SCGB2B2: variants seen among roughly 807,000 people sequenced by gnomAD.
SCGB2B2 encodes secretoglobin-like protein.
A neutral mutation model predicts 7.6 loss-of-function variants in SCGB2B2; 11 were observed. The observed-to-expected ratio is 1.45, with a 90% CI of 0.91 to 2.40. The LOEUF (loss-of-function observed/expected upper bound fraction) is 2.40. Ranked by LOEUF, SCGB2B2 falls within the 30% of genes most tolerant of loss-of-function variation. The probability of loss-of-function intolerance (pLI) is 0.00; values close to 1 mark genes in which losing one functional copy is unlikely to be tolerated. For missense variants in SCGB2B2, 104 were observed against 115.4 expected, an observed-to-expected ratio of 0.90 and a Z score of 0.45; for synonymous variants, 50 against 48.6, an observed-to-expected ratio of 1.03 and a Z score of -0.12.
chr19:34,608,700 T>C (rs1369346590), intron 1 of SCGB2B2: 1 of 140,086 alleles, frequency 7.1e-6, no homozygotes, highest in Non-Finnish European at 1.6e-5. Context: ...ATTTTCTTCA[T>C]CTTTTCACTT....
chr19:34,621,200 TG>T (rs762874535), intron 1 of SCGB2B2, among the ~76,000 whole-genome samples: 9 of 152,222 alleles, frequency 5.9e-5, no homozygotes, highest in Non-Finnish European at 1.2e-4. Flanking sequence ...AACATATATA[TG>T]ACTACACAGA....
chr19:34,667,968 T>G (rs1438190572), intron 1 of SCGB2B2, among the ~76,000 whole-genome samples: 1 of 152,210 alleles, frequency 6.6e-6, no homozygotes, highest in African/African-American at 2.4e-5. Context: ...TCCAGTCAGG[T>G]GACAGAAGTC....
chr19:34,628,877 A>G (rs1312172040), intron 1 of SCGB2B2, among the ~76,000 whole-genome samples: 1 of 152,026 alleles, frequency 6.6e-6, no homozygotes, highest in Non-Finnish European at 1.5e-5. Context: ...TCAATAAAAT[A>G]CTGGCAAACC....
At chr19:34,655,272 C>G (rs983658823) in intron 1 of SCGB2B2, among the ~76,000 whole-genome samples, 9 of 149,878 alleles carry the variant, frequency 6.0e-5, no homozygotes, top group Admixed American at 1.3e-4. Flanking sequence ...CAAGGTTTAA[C>G]ATCAACACAG....
chr19:34,626,293 G>C (rs1264039689), intron 1 of SCGB2B2, among the ~76,000 whole-genome samples: 2 of 152,142 alleles, frequency 1.3e-5, no homozygotes, highest in African/African-American at 4.8e-5. Context: ...GAAGGCTTCA[G>C]ACGATCAAAC....
chr19:34,603,795 C>CTTTTTTT (rs71165672), intron 1 of SCGB2B2, among the ~76,000 whole-genome samples: 1,465 of 131,208 alleles, frequency 0.011, 39 homozygotes, highest in Non-Finnish European at 0.015. Context: ...TGTTTTATTA[C>CTTTTTTT]TTTTTTTTTT....
At chr19:34,673,832 C>A (rs985716288) in intron 1 of SCGB2B2, among the ~76,000 whole-genome samples, 1 of 152,138 alleles carries the variant, frequency 6.6e-6, no homozygotes, top group Non-Finnish European at 1.5e-5. Flanking sequence ...TGACTATGGG[C>A]CATGACCGAC....
At chr19:34,657,413 A>G (rs1490552169) in intron 1 of SCGB2B2, among the ~76,000 whole-genome samples, 1 of 151,258 alleles carries the variant, frequency 6.6e-6, no homozygotes, top group East Asian at 1.9e-4. Context: ...AAGATCTACC[A>G]AGCAAATGGA....
chr19:34,659,691 A>G (rs548733522), intron 1 of SCGB2B2, among the ~76,000 whole-genome samples: 24 of 152,350 alleles, frequency 1.6e-4, no homozygotes, highest in African/African-American at 5.8e-4. Context: ...AAGAATCAAT[A>G]TCGTGAAAAT....
intron 1 of SCGB2B2, among the ~76,000 whole-genome samples, chr19:34,639,672 A>T (rs1463526197): frequency 1.3e-5 from 2 of 152,102 alleles, no homozygotes; most frequent in African/African-American, 4.8e-5. Flanking sequence ...TTCTGCTCAA[A>T]CACCACCAGG....
At chr19:34,646,789 A>C (rs1367321789) in intron 1 of SCGB2B2, 1 of 152,408 alleles carries the variant, frequency 6.6e-6, no homozygotes, top group African/African-American at 2.4e-5. Context: ...ATCCCCAGTA[A>C]ACACCTGCAG....
chr19:34,606,227 A>AAT (rs940074252), intron 1 of SCGB2B2, among the ~76,000 whole-genome samples: 4 of 152,144 alleles, frequency 2.6e-5, no homozygotes, highest in African/African-American at 7.2e-5. Context: ...GTACAGCTTT[A>AAT]ACATATATAT....
At chr19:34,599,975 C>A (rs1242729950) in intron 1 of SCGB2B2, among the ~76,000 whole-genome samples, 1 of 152,158 alleles carries the variant, frequency 6.6e-6, no homozygotes, top group East Asian at 1.9e-4. Context: ...CAAGAAAGAT[C>A]ATTGTGAGCC....
downstream of SCGB2B2, among the ~76,000 whole-genome samples, chr19:34,589,294 C>G (rs1046103157): frequency 6.6e-6 from 1 of 150,804 alleles, no homozygotes. Flanking sequence ...GAGCACTGGT[C>G]AGGGCAGAGA....
intron 1 of SCGB2B2, among the ~76,000 whole-genome samples, chr19:34,602,148 AAAAGG>A (rs1282668287): frequency 1.3e-5 from 2 of 152,184 alleles, no homozygotes; most frequent in African/African-American, 4.8e-5. Context: ...ATTTTTTTAA[AAAAGG>A]AAAGATGATG....
chr19:34,609,336 C>CTGTT (rs2065869380), intron 1 of SCGB2B2, among the ~76,000 whole-genome samples: 1 of 151,774 alleles, frequency 6.6e-6, no homozygotes, highest in African/African-American at 2.4e-5. Context: ...TGTTATAGTC[C>CTGTT]TGTTTATTTT....
intron 1 of SCGB2B2, among the ~76,000 whole-genome samples, chr19:34,608,195 A>C (rs2065832179): frequency 6.6e-6 from 1 of 152,014 alleles, no homozygotes; most frequent in Admixed American, 6.6e-5. Flanking sequence ...TTTATTTTCA[A>C]GCATTTTATT....
intron 1 of SCGB2B2, among the ~76,000 whole-genome samples, chr19:34,672,151 T>C (rs1425923694): frequency 6.6e-6 from 1 of 151,862 alleles, no homozygotes; most frequent in African/African-American, 2.4e-5. Context: ...AATAAATGAA[T>C]AAATAAATAA....
intron 1 of SCGB2B2, among the ~76,000 whole-genome samples, chr19:34,634,428 G>A (rs752367021): frequency 1.4e-4 from 21 of 152,142 alleles, no homozygotes; most frequent in Non-Finnish European, 2.4e-4. Context: ...AAGAGCCTTG[G>A]GCAGGTTAGA....
Sources: gnomAD v4.1 joint callset for allele counts (sites outside exome capture counted in the v4.1 genomes callset) on GRCh38, gnomAD v4.1.1 for gene constraint, MANE v1.5 for transcripts, NCBI Gene and HGNC (gene_info 2026-07-23, HGNC 2026-07-21) for gene names.